Variants in ICA1L observed in about 807,000 individuals in gnomAD.
ICA1L encodes islet cell autoantigen 1 like.
In ICA1L, 50 loss-of-function variants were observed where a neutral mutation model predicts 61.3. The observed-to-expected ratio is 0.82, with a 90% CI of 0.65 to 1.03. ICA1L has a LOEUF of 1.03. ICA1L is among the 50% of genes least tolerant of loss of function. The pLI, the probability that ICA1L is intolerant of heterozygous loss-of-function variation, is 0.00. For missense variants in ICA1L, 508 were observed against 556.7 expected, an observed-to-expected ratio of 0.91 and a Z score of 0.88; for synonymous variants, 161 against 191.3, an observed-to-expected ratio of 0.84 and a Z score of 1.31.
chr2:202,827,602 T>A (rs1693885028), intron 2 of ICA1L, among the ~76,000 whole-genome samples: 1 of 152,162 alleles, frequency 6.6e-6, no homozygotes, highest in African/African-American at 2.4e-5. Context: ...ATATAAAACA[T>A]GTCACCCACA....
intron 5 of ICA1L, 186 bp downstream of exon 5, chr2:202,819,515 G>A (rs1449454525): frequency 6.9e-6 from 4 of 582,318 alleles, no homozygotes; most frequent in Non-Finnish European, 1.2e-5. Flanking sequence ...GTGTGAAGAT[G>A]CCACTCCAGG....
At chr2:202,843,155 G>A (rs72934707) in intron 1 of ICA1L, among the ~76,000 whole-genome samples, 13,547 of 152,202 alleles carry the variant, frequency 0.089, 745 homozygotes, top group Non-Finnish European at 0.12. Flanking sequence ...GTCAGCTACT[G>A]GGAGGTTATG....
At chr2:202,847,822 A>C (rs1165306752) in intron 1 of ICA1L, among the ~76,000 whole-genome samples, 1 of 151,228 alleles carries the variant, frequency 6.6e-6, no homozygotes, top group African/African-American at 2.4e-5. Context: ...AAAAACATGG[A>C]ATCAACCTAG....
intron 11 of ICA1L, among the ~76,000 whole-genome samples, chr2:202,788,106 C>T (rs1692643083): frequency 6.6e-6 from 1 of 152,212 alleles, no homozygotes; most frequent in Non-Finnish European, 1.5e-5. Flanking sequence ...GCGACATAGG[C>T]AGGTTTTATC....
Position 202,849,364 on chromosome 2 carries a change from G to A in ICA1L, c.-7-20348C>T, listed in dbSNP as rs1172811264. ...GTGGGTCCCACTCCCACAGAGCCCA[G>A]CAAGCTAAGAACCACTGGGTTGAAA... On this transcript the variant is annotated intron_variant, in intron 1 of 12. Coordinates refer to ENST00000358299, the MANE Select transcript of ICA1L (RefSeq NM_001288622.3). This position sits in a 1 kb window ranked among gnomAD's most constrained non-coding sequence, Gnocchi z 4.5. Among the ~76,000 whole-genome samples, 1 of 152,194 alleles carries A rather than the reference G, an allele frequency of 6.6e-6. No individual in the cohort carries two copies. Among genetic ancestry groups the A allele is most frequent in the Non-Finnish European group, 1.5e-5 (1 of 68,038 alleles).
chr2:202,842,264 T>C (rs1694355718), intron 1 of ICA1L, among the ~76,000 whole-genome samples: 1 of 152,224 alleles, frequency 6.6e-6, no homozygotes, highest in Non-Finnish European at 1.5e-5. Flanking sequence ...TTTTATACTT[T>C]TAGATGTTTT....
At chr2:202,843,595 G>A (rs1039775521) in intron 1 of ICA1L, among the ~76,000 whole-genome samples, 2 of 152,214 alleles carry the variant, frequency 1.3e-5, no homozygotes, top group Non-Finnish European at 1.5e-5. Flanking sequence ...CAAATGTGTG[G>A]AGGTACTGCA....
chr2:202,787,841 G>T (rs901378099), intron 11 of ICA1L, among the ~76,000 whole-genome samples: 1 of 152,220 alleles, frequency 6.6e-6, no homozygotes, highest in African/African-American at 2.4e-5. Flanking sequence ...AAAGCACCAC[G>T]GGAGGAGGGA....
Position 202,840,721 on chromosome 2 carries a change from G to C in ICA1L, c.-7-11705C>G, listed in dbSNP as rs554365900. The C allele has an allele frequency of 5.1e-4, 303 of 598,166 alleles. 1 individual carries two copies. The African/African-American group carries it at 5.2e-3, about 10-fold the overall frequency. 37.1% of individuals were successfully genotyped at this position (598,166 alleles called of 1,614,324 possible). A position where few individuals can be genotyped will look rare whatever the true frequency, so the allele number is the denominator to read the frequency against. On this transcript the variant is annotated intron_variant, in intron 1 of 12. Transcript: ENST00000358299. ...CCCGCTGCAGGGCAGCCTCCAGCTCGGAGAGCTTGGCATTGGCATCCTTAA... is the reference window on the plus strand; with the variant it reads ...CCCGCTGCAGGGCAGCCTCCAGCTCCGAGAGCTTGGCATTGGCATCCTTAA...
At chr2:202,863,945 T>C (rs1687381867) in intron 1 of ICA1L, among the ~76,000 whole-genome samples, 1 of 151,924 alleles carries the variant, frequency 6.6e-6, no homozygotes, top group African/African-American at 2.4e-5. Flanking sequence ...TTAAGTTAAA[T>C]AGACAAATTC....
chr2:202,840,069 TTTAA>T (rs1694281403), intron 1 of ICA1L, among the ~76,000 whole-genome samples: 1 of 144,738 alleles, frequency 6.9e-6, no homozygotes, highest in African/African-American at 2.5e-5. Context: ...TTTTTTAATT[TTTAA>T]TTTTTTTTTT....
intron 2 of ICA1L, 62 bp from the exon 3 acceptor site, chr2:202,825,829 AC>A: frequency 1.1e-6 from 1 of 941,898 alleles, no homozygotes; most frequent in Non-Finnish European, 1.6e-6. Context: ...TGTTATAAGC[AC>A]CCCAAAAGCA....
intron 11 of ICA1L, 23 bp from the exon 12 acceptor site, chr2:202,786,030 T>A: frequency 7.3e-7 from 1 of 1,369,992 alleles, no homozygotes; most frequent in Non-Finnish European, 1.0e-6. Context: ...AAGTAAAAAT[T>A]GTCCATTGTT....
At chr2:202,803,233 C>A (rs1396156072) in intron 9 of ICA1L, among the ~76,000 whole-genome samples, 4 of 151,670 alleles carry the variant, frequency 2.6e-5, no homozygotes, top group African/African-American at 9.7e-5. Context: ...CATGGCCAGA[C>A]CCCATCACTA....
intron 8 of ICA1L, 48 bp downstream of exon 8, chr2:202,814,654 G>A (rs754842588): frequency 2.6e-6 from 3 of 1,158,546 alleles, no homozygotes; most frequent in South Asian, 2.6e-5. Context: ...TCATATGATG[G>A]TATCCAGGAC....
intron 3 of ICA1L, among the ~76,000 whole-genome samples, chr2:202,822,721 C>A (rs1693732689): frequency 1.3e-5 from 2 of 152,180 alleles, no homozygotes; most frequent in African/African-American, 4.8e-5. Flanking sequence ...AAAGTTAAAA[C>A]TGAAAGGGAA....
Position 202,815,611 on chromosome 2 carries a change from A to T in ICA1L, c.783+300T>A, listed in dbSNP as rs1030347025. Among the ~76,000 whole-genome samples the T allele has an allele frequency of 1.7e-4, 26 of 151,896 alleles. 1 individual carries two copies. On this transcript the variant is annotated intron_variant, in intron 7 of 12. Transcript: ENST00000358299. ...TTCTTATCTCCTTTAATTTTAAATT[A>T]AATTAAATTTAATTTTTTTTTTACT...
chr2:202,841,203 AATTC>A, intron 1 of ICA1L: 1 of 694,050 alleles, frequency 1.4e-6, no homozygotes, highest in Admixed American at 1.8e-5. Context: ...GATGAGGACA[AATTC>A]ATTCTCCATC....
intron 1 of ICA1L, among the ~76,000 whole-genome samples, chr2:202,851,138 T>A (rs1237548737): frequency 1.3e-5 from 2 of 151,894 alleles, no homozygotes; most frequent in African/African-American, 4.8e-5. Context: ...ATTAGGTATA[T>A]CTCCTAATGC....
Sources: gnomAD v4.1 joint callset for allele counts (sites outside exome capture counted in the v4.1 genomes callset) on GRCh38, gnomAD v4.1.1 for gene constraint, Gnocchi (gnomAD v3.1) non-coding constraint, MANE v1.5 for transcripts, NCBI Gene and HGNC (gene_info 2026-07-23, HGNC 2026-07-21) for gene names.